TJAP1: variants seen among roughly 807,000 people sequenced by gnomAD.
The protein encoded by TJAP1 is tight junction-associated protein 1.
In TJAP1, 27 loss-of-function variants were observed where a neutral mutation model predicts 42.0. The ratio of observed to expected loss-of-function variants is 0.64; its 90% CI spans 0.47 to 0.89. The LOEUF is 0.89. Ranked by LOEUF, TJAP1 falls within the 40% of genes least tolerant of loss-of-function variation. TJAP1 has a pLI of 0.00. For missense variants in TJAP1, 712 were observed against 726.9 expected (o/e 0.98, Z 0.24); for synonymous variants, 257 against 288.4 (o/e 0.89, Z 1.10).
Position 43,503,517 on chromosome 6 carries a change from G to C in TJAP1, c.495+9G>C. The stretch of plus-strand genomic sequence containing the variant: ...AGCTGGAAGAGCTCAATGTATGTGC[G>C]CTTCACTACTCGGGCCTTCCTCACC... On this transcript the variant is annotated intron_variant, in intron 9 of 10. Coordinates refer to ENST00000372449, the Ensembl canonical transcript of TJAP1. 6.2e-7 allele frequency: 1 copy of C among 1,612,056 alleles called. No individual in the cohort carries two copies. Among genetic ancestry groups the C allele is most frequent in the Middle Eastern group, 1.7e-4 (1 of 6,058 alleles).
chr6:43,501,231 G>A (rs1016938399), intron 5 of TJAP1: 3 of 417,984 alleles, frequency 7.2e-6, no homozygotes, highest in African/African-American at 4.0e-5. Context: ...GACAGGCTGG[G>A]AGCCATATCC....
chr6:43,502,490 G>A, intron 7 of TJAP1, 98 bp from the exon 8 acceptor site: 1 of 1,495,690 alleles, frequency 6.7e-7, no homozygotes, highest in Non-Finnish European at 9.1e-7. Flanking sequence ...ACTGCAGTGT[G>A]CTCTGCAAGT....
In TJAP1 at chr6:43,505,002, C is replaced by T. The variant is rs1415791188; in HGVS notation, c.821C>T (p.Pro274Leu). Reference sequence around the variant, plus strand: ...ATGAGTGAGGGTGTCCCAGGTGATCCAGCCAGTCCCCCGGCCCCTGGCAGC... The same window carrying T: ...ATGAGTGAGGGTGTCCCAGGTGATCTAGCCAGTCCCCCGGCCCCTGGCAGC... The change falls in exon 11 of 11, where the codon CCA (proline) becomes CTA (leucine). Residue 274 changes from proline (P) to leucine (L), a missense_variant. Physicochemically the swap from Pro to Leu is moderately conservative, Grantham distance 98 (BLOSUM62 -3). This residue lies in a region of TJAP1 where 549 missense variants were observed against 528.2 expected (regional missense o/e 1.04). Transcript: ENST00000372449. The surrounding 1 kb of genome is among the most constrained non-coding windows in gnomAD (Gnocchi z 5.5). 1.2e-6 allele frequency: 2 copies of T among 1,614,068 alleles called. No homozygotes were observed. The highest frequency in any genetic ancestry group is 2.2e-5 in the South Asian group (2 of 91,090).
At position 43,505,386 on chromosome 6, in the gene TJAP1, G is replaced by A; in HGVS notation, c.1205G>A (p.Ser402Asn). Residue 402 changes from serine (S) to asparagine (N), a missense_variant, in exon 11 of 11, where the codon AGC becomes AAC. Physicochemically the swap from Ser to Asn is conservative, Grantham distance 46. This residue lies in a region of TJAP1 where 549 missense variants were observed against 528.2 expected (regional missense o/e 1.04). Coordinates refer to ENST00000372449, the Ensembl canonical transcript of TJAP1. The surrounding 1 kb of genome is among the most constrained non-coding windows in gnomAD (Gnocchi z 5.5). ...CCCCTAACACTCAGTGCCCCAGCTA[G>A]CTCTGCCAGCTCTGAAGAGGACCTG... 3 of 1,611,014 alleles carry A rather than the reference G, an allele frequency of 1.9e-6. No homozygotes were observed. Among genetic ancestry groups the A allele is most frequent in the Non-Finnish European group, 2.5e-6 (3 of 1,179,874 alleles).
chr6:43,482,830 AAT>A (rs1450950341), intron 2 of TJAP1, among the ~76,000 whole-genome samples: 1 of 152,140 alleles, frequency 6.6e-6, no homozygotes, highest in African/African-American at 2.4e-5. Context: ...TTGCCTATAA[AAT>A]AGTCTTCCTG....
chr6:43,500,358 T>C (rs984715593), intron 4 of TJAP1, among the ~76,000 whole-genome samples: 2 of 152,182 alleles, frequency 1.3e-5, no homozygotes, highest in African/African-American at 2.4e-5. Flanking sequence ...CTCGTGTGTA[T>C]AGTTCAGCCT....
At chr6:43,482,355 T>C (rs1212462305) in intron 2 of TJAP1, among the ~76,000 whole-genome samples, 1 of 152,208 alleles carries the variant, frequency 6.6e-6, no homozygotes, top group African/African-American at 2.4e-5. Flanking sequence ...CTTCACTTCC[T>C]TCTCACCACC....
At chr6:43,498,989 G>T in exon 4 of TJAP1, 1 of 1,612,998 alleles carries the variant, frequency 6.2e-7, no homozygotes. Flanking sequence ...CGGAGGAGCC[G>T]TCACCTCCCA....
chr6:43,498,263 C>T (rs1789682613), intron 3 of TJAP1, among the ~76,000 whole-genome samples: 1 of 152,196 alleles, frequency 6.6e-6, no homozygotes, highest in African/African-American at 2.4e-5. Flanking sequence ...CCCAACAACC[C>T]TATGAATTGG....
exon 7 of TJAP1, chr6:43,502,318 A>G: frequency 6.2e-7 from 1 of 1,613,830 alleles, no homozygotes. Flanking sequence ...CAGCGGACCA[A>G]CCAGGAGTTG....
chr6:43,503,061 C>T (rs1561824624), intron 8 of TJAP1: 4 of 453,716 alleles, frequency 8.8e-6, no homozygotes, highest in Non-Finnish European at 1.6e-5. Flanking sequence ...ACATAGGAGG[C>T]TTCAGCCCCC....
intron 2 of TJAP1, among the ~76,000 whole-genome samples, chr6:43,483,300 A>G (rs1785701122): frequency 6.6e-6 from 1 of 152,126 alleles, no homozygotes; most frequent in African/African-American, 2.4e-5. Context: ...CATTGCTCCC[A>G]AATTTCTCAC....
intron 2 of TJAP1, among the ~76,000 whole-genome samples, chr6:43,493,902 G>A (rs907779829): frequency 2.0e-5 from 3 of 152,202 alleles, no homozygotes; most frequent in East Asian, 3.9e-4. Flanking sequence ...CCCACCTCCT[G>A]GTTAAAGAGT....
chr6:43,501,758 A>ACACT lies in TJAP1; in HGVS notation c.290+72_290+73insACTC, dbSNP rs1423256237. 1,134 of 492,398 alleles carry ACACT rather than the reference A, an allele frequency of 2.3e-3. 4 individuals carry two copies. Among genetic ancestry groups the ACACT allele is most frequent in the African/African-American group, 0.016 (456 of 28,942 alleles). 30.5% of individuals were successfully genotyped at this position (492,398 alleles called of 1,614,324 possible). On this transcript the variant is annotated intron_variant, in intron 6 of 10. Coordinates refer to ENST00000372449, the Ensembl canonical transcript of TJAP1. ...CACACACACACACACACACACACAC[A>ACACT]CTCTCTCTGTCTCTCTCTCTCTCTG... is the stretch of plus-strand genomic sequence containing the variant.
intron 5 of TJAP1, 63 bp from the exon 6 acceptor site, chr6:43,501,463 C>A (rs1046831408): frequency 1.3e-6 from 2 of 1,486,630 alleles, no homozygotes; most frequent in Non-Finnish European, 1.8e-6. Context: ...CACTCTGGAG[C>A]TCCAGGGCAT....
intron 2 of TJAP1, among the ~76,000 whole-genome samples, chr6:43,487,222 C>T (rs537156818): frequency 1.3e-5 from 2 of 152,254 alleles, no homozygotes; most frequent in East Asian, 3.9e-4. Context: ...GTGGGGAACT[C>T]AATACCATCC....
Position 43,499,104 on chromosome 6 carries a change from A to G in TJAP1, c.99+4A>G. On this transcript the variant is annotated splice_donor_region_variant and intron_variant, in intron 4 of 10. Transcript: ENST00000372449. ...TGGATCCCGGCTTGAGCAGGAGGTC[A>G]GCAAGACTGGTATCACAGCCTGACC... 1 of 1,613,554 alleles carries G rather than the reference A, an allele frequency of 6.2e-7. No individual in the cohort carries two copies. Among genetic ancestry groups the G allele is most frequent in the Non-Finnish European group, 8.5e-7 (1 of 1,179,890 alleles).
At chr6:43,502,076 A>ACACTCTCTCTCTCT (rs767085594) in intron 6 of TJAP1, among the ~76,000 whole-genome samples, 11 of 68,956 alleles carry the variant, frequency 1.6e-4, no homozygotes, top group East Asian at 3.7e-4. Flanking sequence ...ACACACACAC[A>ACACTCTCTCTCTCT]CTCTCTCTCT....
chr6:43,500,864 G>T, intron 5 of TJAP1, 92 bp downstream of exon 5: 2 of 1,477,232 alleles, frequency 1.4e-6, no homozygotes, highest in African/African-American at 1.4e-5. Context: ...CTTTCCCTTG[G>T]ATTAGGTAGA....
Sources: gnomAD v4.1 joint callset for allele counts (sites outside exome capture counted in the v4.1 genomes callset) on GRCh38, gnomAD v4.1.1 for gene constraint, gnomAD v4.1.1 regional missense constraint, Gnocchi (gnomAD v3.1) non-coding constraint, MANE v1.5 for transcripts, NCBI Gene and HGNC (gene_info 2026-07-23, HGNC 2026-07-21) for gene names.